The following CACUL1 variants were observed in gnomAD, a reference collection of about 807,000 sequenced individuals.
CACUL1 encodes CDK2 associated cullin domain 1, also known as CDK2-associated and cullin domain-containing protein 1.
In CACUL1, 13 loss-of-function variants were observed where a neutral mutation model predicts 45.2. That is an observed-to-expected ratio of 0.29 (90% confidence interval 0.19 to 0.46). CACUL1 has a LOEUF of 0.46. Among genes scored for constraint, CACUL1 ranks in the 20% least tolerant of loss-of-function variants. The probability of loss-of-function intolerance (pLI) is 1.00; values close to 1 mark genes in which losing one functional copy is unlikely to be tolerated. For synonymous variants in CACUL1, 197 were observed against 174.2 expected, an observed-to-expected ratio of 1.13 and a Z score of -1.03; for missense variants, 421 against 471.4, an observed-to-expected ratio of 0.89 and a Z score of 0.99.
In CACUL1 at chr10:118,754,856, G is replaced by A; in HGVS notation, c.-94C>T. 1 of 1,463,816 alleles carries A rather than the reference G, an allele frequency of 6.8e-7. No individual in the cohort carries two copies. 90.7% of individuals were successfully genotyped at this position (1,463,816 alleles called of 1,614,324 possible). ...CACCGCTGCCTCCCCGAGTTACATC[G>A]CCGGCGGCAGGAATGGGCGCAGCGG... is the stretch of plus-strand genomic sequence containing the variant. On this transcript the variant is annotated 5_prime_UTR_variant, in exon 1 of 9. Transcript: ENST00000369151.
In CACUL1 at chr10:118,691,679, A is replaced by AAG. The variant is rs923124409; in HGVS notation, c.887-277_887-276insCT. 1.4e-5 allele frequency: 4 copies of AAG among 286,178 alleles called. No homozygotes were observed. The Admixed American group carries it at 2.1e-4, about 15-fold the overall frequency. The allele number at this position is 286,178 out of a possible 1,614,324, so 17.7% of individuals were successfully genotyped here. On this transcript the variant is annotated intron_variant, in intron 6 of 8. Coordinates refer to ENST00000369151, the MANE Select transcript of CACUL1 (RefSeq NM_153810.5). ...TCAGGAGATCGAGACCATCCTGGCT[A>AAG]ACATGGTGAAACCCCATCTCTACTA...
intron 3 of CACUL1, among the ~76,000 whole-genome samples, chr10:118,720,967 G>A (rs989252814): frequency 2.0e-5 from 3 of 152,160 alleles, no homozygotes; most frequent in African/African-American, 7.2e-5. Flanking sequence ...GAACACACAT[G>A]TAAAGGGCTA....
rs1845169552 is a variant in CACUL1, at chr10:118,683,104, A to C, written c.*3024T>G. On this transcript the variant is annotated 3_prime_UTR_variant, in exon 9 of 9. Transcript: ENST00000369151. ...AGGTCACAAAATGACAATGTTACTG[A>C]AGCTTAAGGCCAACCTTTAAAACAT... The C allele has an allele frequency of 6.6e-6, 1 of 152,216 alleles. No individual in the cohort carries two copies. The allele number at this position is 152,216 out of a possible 1,614,324, so 9.4% of individuals were successfully genotyped here.
chr10:118,754,895 G>A lies in CACUL1; in HGVS notation c.-133C>T. 1.6e-6 allele frequency: 2 copies of A among 1,266,644 alleles called. No individual in the cohort carries two copies. The highest frequency in any genetic ancestry group is 1.6e-5 in the South Asian group (1 of 64,406). The allele number at this position is 1,266,644 out of a possible 1,614,324, so 78.5% of individuals were successfully genotyped here. On this transcript the variant is annotated 5_prime_UTR_variant, in exon 1 of 9. Coordinates refer to ENST00000369151, the MANE Select transcript of CACUL1 (RefSeq NM_153810.5). ...TGGGCGCAGCGGAGAGGGCTGCGGT[G>A]CGCAGGGTCTCTCGCTCTCCGCGGG...
chr10:118,738,129 G>A (rs1845756531), intron 1 of CACUL1, among the ~76,000 whole-genome samples: 1 of 152,194 alleles, frequency 6.6e-6, no homozygotes, highest in Admixed American at 6.5e-5. Flanking sequence ...GGATACCAAT[G>A]GTGGGTAAAC....
At chr10:118,730,202 A>G in intron 2 of CACUL1, 82 bp downstream of exon 2, 1 of 1,385,760 alleles carries the variant, frequency 7.2e-7, no homozygotes. Context: ...ATTCTACATT[A>G]CATGTTTGTG....
chr10:118,740,250 A>C (rs1451166441), intron 1 of CACUL1, among the ~76,000 whole-genome samples: 1 of 152,224 alleles, frequency 6.6e-6, no homozygotes, highest in Non-Finnish European at 1.5e-5. Context: ...ATGTAATCTC[A>C]GTACACTTTA....
At chr10:118,741,978 C>T (rs1845797470) in intron 1 of CACUL1, among the ~76,000 whole-genome samples, 1 of 152,182 alleles carries the variant, frequency 6.6e-6, no homozygotes, top group Non-Finnish European at 1.5e-5. Context: ...CACCCCCTAT[C>T]CTCCTGGCCA....
At chr10:118,714,006 A>C (rs188375027) in intron 3 of CACUL1, among the ~76,000 whole-genome samples, 1 of 152,244 alleles carries the variant, frequency 6.6e-6, no homozygotes, top group Non-Finnish European at 1.5e-5. Flanking sequence ...TAAAATGACA[A>C]TAACAAACTC....
Position 118,678,969 on chromosome 10 carries a change from T to C in CACUL1, c.*7159A>G, listed in dbSNP as rs957723212. ...AGGGGTATGTTGAAAATGCCCATTA[T>C]GTTGGTAGACTGACCTATTTCTCTT... On this transcript the variant is annotated 3_prime_UTR_variant, in exon 9 of 9. Transcript: ENST00000369151. 3 of 152,228 alleles carry C rather than the reference T, an allele frequency of 2.0e-5. No individual in the cohort carries two copies. The highest frequency in any genetic ancestry group is 4.4e-5 in the Non-Finnish European group (3 of 68,044). 9.4% of individuals were successfully genotyped at this position (152,228 alleles called of 1,614,324 possible).
chr10:118,710,192 C>T (rs1460681726), intron 3 of CACUL1, among the ~76,000 whole-genome samples: 1 of 151,840 alleles, frequency 6.6e-6, no homozygotes, highest in East Asian at 1.9e-4. Flanking sequence ...TCCCAAAGGG[C>T]TGGGATTACA....
chr10:118,750,659 C>T (rs1200583226), intron 1 of CACUL1, among the ~76,000 whole-genome samples: 1 of 152,232 alleles, frequency 6.6e-6, no homozygotes, highest in East Asian at 1.9e-4. Context: ...CTTCCACTAT[C>T]TGGTCCACAG....
At chr10:118,744,031 A>G (rs923951416) in intron 1 of CACUL1, among the ~76,000 whole-genome samples, 1 of 152,242 alleles carries the variant, frequency 6.6e-6, no homozygotes, top group Non-Finnish European at 1.5e-5. Context: ...GGTAAATACA[A>G]AACACTTACA....
At chr10:118,716,464 C>T (rs1371586055) in intron 3 of CACUL1, among the ~76,000 whole-genome samples, 3 of 152,044 alleles carry the variant, frequency 2.0e-5, no homozygotes, top group African/African-American at 4.8e-5. Context: ...ACATCATTGC[C>T]TATTTCATCA....
rs1322374396 is a variant in CACUL1 at position 118,684,791 on chromosome 10, T to A, written c.*1337A>T. ...GGATGTTTCTTTTCCCCTCAAGTTCTCTGAAGAGGTAAATACTATTAGTCT... is the reference window on the plus strand; with the variant it reads ...GGATGTTTCTTTTCCCCTCAAGTTCACTGAAGAGGTAAATACTATTAGTCT... On this transcript the variant is annotated 3_prime_UTR_variant, in exon 9 of 9. Transcript: ENST00000369151. 5 of 152,234 alleles carry A rather than the reference T, an allele frequency of 3.3e-5. No individual in the cohort carries two copies. Among genetic ancestry groups the A allele is most frequent in the African/African-American group, 1.2e-4 (5 of 41,450 alleles). 9.4% of individuals were successfully genotyped at this position (152,234 alleles called of 1,614,324 possible). A position where few individuals can be genotyped will look rare whatever the true frequency, so the allele number is the denominator to read the frequency against.
rs374771393 is a variant in CACUL1 at position 118,727,403 on chromosome 10, T to TTAA, written c.597+1891_597+1892insTTA. 1.5e-3 allele frequency among the ~76,000 whole-genome samples: 224 copies of TTAA among 144,548 alleles called. 1 individual carries two copies. Among genetic ancestry groups the TTAA allele is most frequent in the African/African-American group, 5.6e-3 (219 of 38,926 alleles). 94.8% of individuals were successfully genotyped at this position (144,548 alleles called of 152,430 possible). ...AGCGAGACCCCCATCTCAAAAAAAT[T>TTAA]AAAAAAAAAAAAAACACTAACATCA... is the stretch of plus-strand genomic sequence containing the variant. On this transcript the variant is annotated intron_variant, in intron 3 of 8. Coordinates refer to ENST00000369151, the MANE Select transcript of CACUL1 (RefSeq NM_153810.5).
At chr10:118,691,056 C>A in intron 7 of CACUL1, among the ~76,000 whole-genome samples, 1 of 152,242 alleles carries the variant, frequency 6.6e-6, no homozygotes, top group East Asian at 1.9e-4. Context: ...ATCTCAAAAA[C>A]AAAACGTACG....
chr10:118,711,157 G>A (rs1332949018), intron 3 of CACUL1, among the ~76,000 whole-genome samples: 1 of 152,216 alleles, frequency 6.6e-6, no homozygotes, highest in Non-Finnish European at 1.5e-5. Context: ...TCGGCTCACT[G>A]CAACCTCCGT....
In CACUL1 at chr10:118,677,916, T is replaced by C. The variant is rs1845113391; in HGVS notation, c.*8212A>G. The stretch of plus-strand genomic sequence containing the variant: ...TATGCTCAATTTCATTAGATAATAC[T>C]GTTCTCCAAAGTAGAAGTGCAGATT... On this transcript the variant is annotated 3_prime_UTR_variant, in exon 9 of 9. Coordinates refer to ENST00000369151, the MANE Select transcript of CACUL1 (RefSeq NM_153810.5). 6.6e-6 allele frequency: 1 copy of C among 152,258 alleles called. No homozygotes were observed. The highest frequency in any genetic ancestry group is 2.4e-5 in the African/African-American group (1 of 41,460). 9.4% of individuals were successfully genotyped at this position (152,258 alleles called of 1,614,324 possible). A position where few individuals can be genotyped will look rare whatever the true frequency, so the allele number is the denominator to read the frequency against.
Sources: gnomAD v4.1 joint callset for allele counts (sites outside exome capture counted in the v4.1 genomes callset) on GRCh38, gnomAD v4.1.1 for gene constraint, MANE v1.5 for transcripts, NCBI Gene and HGNC (gene_info 2026-07-23, HGNC 2026-07-21) for gene names.